The following NAF1 variants were observed in gnomAD, a reference collection of about 807,000 sequenced individuals.
The protein encoded by NAF1 is H/ACA ribonucleoprotein complex non-core subunit NAF1.
In NAF1, 11 loss-of-function variants were observed where a neutral mutation model predicts 40.6. That is an observed-to-expected ratio of 0.27 (90% CI 0.17 to 0.45). The LOEUF is 0.45. Among genes scored for constraint, NAF1 ranks in the 20% least tolerant of loss-of-function variants. NAF1 has a pLI of 1.00. For synonymous variants in NAF1, 260 were observed against 228.5 expected, an observed-to-expected ratio of 1.14 and a Z score of -1.24; for missense variants, 607 against 611.1, an observed-to-expected ratio of 0.99 and a Z score of 0.07.
intron 3 of NAF1, 64 bp from the exon 4 acceptor site, chr4:163,145,928 T>C (rs1316944338): frequency 1.1e-6 from 1 of 872,676 alleles, no homozygotes; most frequent in Non-Finnish European, 1.8e-6. Flanking sequence ...TTAATGAAAA[T>C]CTAAGCTTTA....
At chr4:163,120,564 A>G (rs1730489061) in intron 2 of NAF1, among the ~76,000 whole-genome samples, 2 of 152,330 alleles carry the variant, frequency 1.3e-5, no homozygotes, top group South Asian at 4.1e-4. Flanking sequence ...TCACCTTTAT[A>G]TGAGTAGAAA....
chr4:163,166,297 C>T, intron 1 of NAF1, 66 bp downstream of exon 1: 1 of 1,507,294 alleles, frequency 6.6e-7, no homozygotes, highest in Non-Finnish European at 8.9e-7. Flanking sequence ...GGCTCCTAGG[C>T]CCCAGCCACC....
At chr4:163,122,118 T>C (rs1730534504), downstream of NAF1, among the ~76,000 whole-genome samples, 1 of 152,222 alleles carries the variant, frequency 6.6e-6, no homozygotes, top group African/African-American at 2.4e-5. Context: ...TGAGACTCTA[T>C]GTCTCCCTAA....
intron 2 of NAF1, among the ~76,000 whole-genome samples, chr4:163,116,882 T>A (rs1052285966): frequency 6.6e-6 from 1 of 150,596 alleles, no homozygotes; most frequent in African/African-American, 2.5e-5. Flanking sequence ...TCCAGACATC[T>A]TCCTTCTGCA....
chr4:163,118,279 C>G (rs547170508), intron 2 of NAF1, among the ~76,000 whole-genome samples: 2 of 152,328 alleles, frequency 1.3e-5, no homozygotes, highest in Admixed American at 1.3e-4. Flanking sequence ...AGTAGCTTCT[C>G]TGTACTAGAG....
At chr4:163,130,103 G>C (rs1730812608) in intron 7 of NAF1, among the ~76,000 whole-genome samples, 1 of 152,078 alleles carries the variant, frequency 6.6e-6, no homozygotes, top group Non-Finnish European at 1.5e-5. Context: ...TTTTTAAAAA[G>C]ACAAAGAAAC....
chr4:163,135,960 CACATAAAT>C (rs1731040023), intron 6 of NAF1: 1 of 152,074 alleles, frequency 6.6e-6, no homozygotes, highest in Non-Finnish European at 1.5e-5. Flanking sequence ...TAACTGAAAT[CACATAAAT>C]ACATAACATT....
intron 2 of NAF1, among the ~76,000 whole-genome samples, chr4:163,159,570 T>C (rs192834435): frequency 1.3e-5 from 2 of 152,272 alleles, no homozygotes; most frequent in East Asian, 3.9e-4. Context: ...CAAACAGGCA[T>C]GAAATATTCT....
intron 2 of NAF1, among the ~76,000 whole-genome samples, chr4:163,117,949 TA>T (rs1270458683): frequency 1.3e-5 from 2 of 152,158 alleles, no homozygotes; most frequent in East Asian, 3.9e-4. Context: ...ATAATTTTTC[TA>T]AAATGCTATG....
At chr4:163,134,898 G>C (rs182249936) in intron 6 of NAF1, 11 of 152,310 alleles carry the variant, frequency 7.2e-5, no homozygotes, top group African/African-American at 2.6e-4. Flanking sequence ...CTTAAGAGCA[G>C]GAGGGAGGAA....
chr4:163,108,109 T>C (rs542558009), downstream of NAF1, among the ~76,000 whole-genome samples: 35 of 152,336 alleles, frequency 2.3e-4, no homozygotes, highest in African/African-American at 3.6e-4. Context: ...AATTTGCATA[T>C]ATCAACAGCG....
Position 163,140,284 on chromosome 4 carries a change from T to TA in NAF1, c.816dup (p.Met273TyrfsTer23). On this transcript the variant is annotated frameshift_variant, in exon 5 of 8. Transcript: ENST00000274054. LOFTEE classifies it high-confidence loss of function. ...TCTTTCATTGATGGAGCAAAATACA[T>TA]AGTCTCCTTTATTTTAATACCTTTA... 6.2e-7 allele frequency: 1 copy of TA among 1,606,838 alleles called. No homozygotes were observed. Among genetic ancestry groups the TA allele is most frequent in the East Asian group, 2.2e-5 (1 of 44,582 alleles).
chr4:163,127,936 C>T (rs1463529914), downstream of NAF1, among the ~76,000 whole-genome samples: 3 of 152,206 alleles, frequency 2.0e-5, no homozygotes, highest in Non-Finnish European at 4.4e-5. Flanking sequence ...AACTCCTTGT[C>T]AACTCACTAG....
chr4:163,104,377 C>CA, the NAF1 span, among the ~76,000 whole-genome samples: 1 of 152,072 alleles, frequency 6.6e-6, no homozygotes, highest in African/African-American at 2.4e-5. Flanking sequence ...GTGTACTTCG[C>CA]AATTCATAAA....
chr4:163,161,471 C>T (rs1427922299), intron 2 of NAF1, among the ~76,000 whole-genome samples: 3 of 151,044 alleles, frequency 2.0e-5, no homozygotes, highest in Non-Finnish European at 3.0e-5. Flanking sequence ...AAACTCTGTC[C>T]CCCCTCACCA....
At chr4:163,135,535 A>T (rs1731021792) in intron 6 of NAF1, 1 of 152,242 alleles carries the variant, frequency 6.6e-6, no homozygotes, top group African/African-American at 2.4e-5. Context: ...TCACGCCTGA[A>T]ATCTCAGCAC....
chr4:163,134,013 T>C (rs1357871732), intron 6 of NAF1, among the ~76,000 whole-genome samples: 1 of 152,210 alleles, frequency 6.6e-6, no homozygotes, highest in Non-Finnish European at 1.5e-5. Context: ...GATACATGAA[T>C]GATCCAACTC....
rs1311551709 is a variant in NAF1 at position 163,166,872 on chromosome 4, C to T, written c.-145G>A. 2 of 1,110,176 alleles carry T rather than the reference C, an allele frequency of 1.8e-6. No homozygotes were observed. The highest frequency in any genetic ancestry group is 5.4e-5 in the East Asian group (2 of 36,838). 68.8% of individuals were successfully genotyped at this position (1,110,176 alleles called of 1,614,324 possible). A position where few individuals can be genotyped will look rare whatever the true frequency, so the allele number is the denominator to read the frequency against. On this transcript the variant is annotated 5_prime_UTR_variant, in exon 1 of 8. Coordinates refer to ENST00000274054, the MANE Select transcript of NAF1 (RefSeq NM_138386.3). ...CCCGCGTTTCTCAGGTAACTACACG[C>T]GGAGGAGCCAAAAGACACGCCCCCG...
intron 2 of NAF1, among the ~76,000 whole-genome samples, chr4:163,111,065 A>G (rs1215461751): frequency 3.9e-5 from 6 of 152,210 alleles, no homozygotes; most frequent in East Asian, 1.9e-4. Flanking sequence ...TCTCGCAAAA[A>G]AACTTTTTTG....
Sources: allele counts gnomAD v4.1 joint callset (sites outside exome capture counted in the v4.1 genomes callset), GRCh38; gene constraint gnomAD v4.1.1; transcripts MANE v1.5; gene names NCBI Gene and HGNC (gene_info 2026-07-23, HGNC 2026-07-21).